The following EYS variants were observed in gnomAD, a reference collection of about 807,000 sequenced individuals.
The protein encoded by EYS is EGF-like photoreceptor maintenance factor.
In EYS, 250 loss-of-function variants were observed where a neutral mutation model predicts 282.1. The observed-to-expected ratio is 0.89, with a 90% CI of 0.80 to 0.98. The LOEUF is 0.98. Ranked by LOEUF, EYS falls within the 50% of genes least tolerant of loss-of-function variation. The pLI is 0.00. For synonymous variants in EYS, 1,355 were observed against 1,282.9 expected (o/e 1.06, Z -1.20); for missense variants, 4,016 against 3,709.0 (o/e 1.08, Z -2.15).
At chr6:64,248,742 A>G (rs933897216) in intron 30 of EYS, among the ~76,000 whole-genome samples, 5 of 152,228 alleles carry the variant, frequency 3.3e-5, no homozygotes, top group Admixed American at 1.3e-4. Context: ...TATATGTCCA[A>G]AGAAAAATAA....
chr6:65,019,983 A>G (rs1437457095), intron 13 of EYS, among the ~76,000 whole-genome samples: 3 of 152,152 alleles, frequency 2.0e-5, no homozygotes, highest in Admixed American at 6.5e-5. Flanking sequence ...CACTATCATG[A>G]GAACGGCAAG....
intron 40 of EYS, among the ~76,000 whole-genome samples, chr6:63,766,246 A>C (rs1345534440): frequency 6.6e-6 from 1 of 152,022 alleles, no homozygotes; most frequent in Non-Finnish European, 1.5e-5. Flanking sequence ...ATTCCAATGA[A>C]TTTTAGTTAC....
At chr6:65,412,766 T>A (rs1215171670) in intron 5 of EYS, among the ~76,000 whole-genome samples, 1 of 152,162 alleles carries the variant, frequency 6.6e-6, no homozygotes, top group Non-Finnish European at 1.5e-5. Context: ...TGCAAGCCTA[T>A]CACTTGTCTT....
At chr6:64,379,262 A>C (rs1772665028) in intron 29 of EYS, among the ~76,000 whole-genome samples, 1 of 152,196 alleles carries the variant, frequency 6.6e-6, no homozygotes, top group Admixed American at 6.5e-5. Context: ...AAAGCACTTA[A>C]GCCAAAAATT....
intron 14 of EYS, among the ~76,000 whole-genome samples, chr6:64,958,330 G>C (rs560461610): frequency 9.3e-4 from 141 of 152,106 alleles, no homozygotes; most frequent in African/African-American, 3.2e-3. Context: ...TGCAGTGAGC[G>C]AAAATCGCGC....
At chr6:65,219,821 G>T (rs1402807614) in intron 12 of EYS, among the ~76,000 whole-genome samples, 1 of 152,096 alleles carries the variant, frequency 6.6e-6, no homozygotes, top group Non-Finnish European at 1.5e-5. Context: ...GCAGGCAAGA[G>T]AGAATGAGAA....
chr6:64,651,962 A>C (rs893921479), intron 22 of EYS, among the ~76,000 whole-genome samples: 3 of 152,210 alleles, frequency 2.0e-5, no homozygotes, highest in Admixed American at 2.0e-4. Context: ...GTTAATTGGC[A>C]TACACTGGCA....
At chr6:64,341,999 A>T (rs1184406721) in intron 29 of EYS, among the ~76,000 whole-genome samples, 8 of 151,648 alleles carry the variant, frequency 5.3e-5, no homozygotes, top group Non-Finnish European at 1.5e-5. Flanking sequence ...GGTTACTTAT[A>T]AGAGGAGGAG....
At chr6:65,320,957 A>T (rs1178794182) in intron 11 of EYS, among the ~76,000 whole-genome samples, 1 of 152,074 alleles carries the variant, frequency 6.6e-6, no homozygotes, top group Non-Finnish European at 1.5e-5. Context: ...CTGCATCACA[A>T]CCTGACTTCT....
At chr6:65,656,051 G>A (rs1305811495) in intron 1 of EYS, among the ~76,000 whole-genome samples, 1 of 151,658 alleles carries the variant, frequency 6.6e-6, no homozygotes. Context: ...AGTGACCTTT[G>A]GTGTTACCAT....
intron 37 of EYS, among the ~76,000 whole-genome samples, chr6:63,795,516 A>C (rs945567832): frequency 5.9e-5 from 9 of 152,352 alleles, no homozygotes; most frequent in African/African-American, 1.7e-4. Flanking sequence ...TGATAGTAAC[A>C]GATCTTAAAT....
intron 5 of EYS, among the ~76,000 whole-genome samples, chr6:65,410,598 C>CTTTTT: frequency 7.5e-6 from 1 of 133,528 alleles, no homozygotes; most frequent in African/African-American, 2.7e-5. Context: ...ATGATACTAG[C>CTTTTT]TTTTTTTTTT....
chr6:64,947,804 C>T (rs1475211666), intron 14 of EYS, among the ~76,000 whole-genome samples: 3 of 151,690 alleles, frequency 2.0e-5, no homozygotes, highest in African/African-American at 7.2e-5. Context: ...AGAAAATCAT[C>T]CCACTCAGTA....
chr6:64,725,660 T>C (rs1681839686), intron 22 of EYS, among the ~76,000 whole-genome samples: 1 of 152,100 alleles, frequency 6.6e-6, no homozygotes, highest in Admixed American at 6.5e-5. Context: ...AAGTCTTATT[T>C]CAGAACTAAA....
chr6:65,060,255 CT>C (rs1239335896), intron 12 of EYS, among the ~76,000 whole-genome samples: 1 of 150,604 alleles, frequency 6.6e-6, no homozygotes, highest in Admixed American at 6.6e-5. Flanking sequence ...AAATTTGACA[CT>C]TTAAATTCAT....
chr6:64,184,304 A>C (rs1041699159), intron 31 of EYS, among the ~76,000 whole-genome samples: 1 of 152,180 alleles, frequency 6.6e-6, no homozygotes, highest in Non-Finnish European at 1.5e-5. Context: ...GAGTGAATGA[A>C]TCTTCTAGTT....
chr6:63,862,681 A>G (rs1222865539), intron 36 of EYS, among the ~76,000 whole-genome samples: 2 of 152,224 alleles, frequency 1.3e-5, no homozygotes, highest in Non-Finnish European at 2.9e-5. Flanking sequence ...ATAACCAATT[A>G]TATTTTTTCA....
intron 22 of EYS, among the ~76,000 whole-genome samples, chr6:64,712,408 T>C (rs1320797639): frequency 6.6e-6 from 1 of 152,182 alleles, no homozygotes; most frequent in Admixed American, 6.5e-5. Flanking sequence ...GAAAATGATT[T>C]GATTGTGAGG....
chr6:64,323,474 T>C (rs919911164), intron 29 of EYS, among the ~76,000 whole-genome samples: 2 of 152,164 alleles, frequency 1.3e-5, no homozygotes, highest in African/African-American at 4.8e-5. Context: ...ACTCCTGCTA[T>C]GATGTTTCAT....
Sources: allele counts gnomAD v4.1 joint callset (sites outside exome capture counted in the v4.1 genomes callset), GRCh38; gene constraint gnomAD v4.1.1; transcripts MANE v1.5; gene names NCBI Gene and HGNC (gene_info 2026-07-23, HGNC 2026-07-21).